Variants in FUT9 observed in about 807,000 individuals in gnomAD.
FUT9 encodes fucosyltransferase 9.
Under a neutral mutation model 29.7 loss-of-function variants are expected in FUT9, and 15 were observed. That is an observed-to-expected ratio of 0.51 (90% CI 0.34 to 0.78). The LOEUF (loss-of-function observed/expected upper bound fraction) is 0.78, where lower values mean the gene tolerates loss of function less well. Among genes scored for constraint, FUT9 ranks in the 30% least tolerant of loss-of-function variants. The probability of loss-of-function intolerance (pLI) is 0.01; values close to 1 mark genes in which losing one functional copy is unlikely to be tolerated. For missense variants in FUT9, 319 were observed against 425.4 expected (o/e 0.75, Z 2.20); for synonymous variants, 169 against 153.7 (o/e 1.10, Z -0.74).
In FUT9 at chr6:96,210,675, A is replaced by G. The variant is rs1392407404; in HGVS notation, c.*6440A>G. 6.0e-6 allele frequency: 1 copy of G among 166,946 alleles called. No individual in the cohort carries two copies. Among genetic ancestry groups the G allele is most frequent in the African/African-American group, 2.4e-5 (1 of 41,450 alleles). The allele number at this position is 166,946 out of a possible 1,614,324, so 10.3% of individuals were successfully genotyped here. ...TTTGCAACAGGAAAGACTGGTCTAG[A>G]CAATTACTAGGATATATGCTTCTGT... On this transcript the variant is annotated 3_prime_UTR_variant, in exon 3 of 3. Transcript: ENST00000302103.
chr6:96,165,748 T>C (rs1408513083), intron 2 of FUT9, among the ~76,000 whole-genome samples: 1 of 152,006 alleles, frequency 6.6e-6, no homozygotes, highest in African/African-American at 2.4e-5. Context: ...CCGAAATAGC[T>C]GGGATTACAG....
intron 2 of FUT9, among the ~76,000 whole-genome samples, chr6:96,191,627 T>C (rs1773510598): frequency 6.6e-6 from 1 of 152,156 alleles, no homozygotes; most frequent in African/African-American, 2.4e-5. Context: ...ACCAGAAGGC[T>C]TCACAGCCGA....
chr6:96,053,510 C>T (rs974928463), intron 1 of FUT9, among the ~76,000 whole-genome samples: 9 of 151,934 alleles, frequency 5.9e-5, no homozygotes, highest in Non-Finnish European at 2.9e-5. Flanking sequence ...AGATGGAGAC[C>T]CTCCTGGCTA....
chr6:96,192,411 GACAA>G (rs1773527838), intron 2 of FUT9, among the ~76,000 whole-genome samples: 1 of 152,036 alleles, frequency 6.6e-6, no homozygotes, highest in African/African-American at 2.4e-5. Context: ...ACCAATAACT[GACAA>G]ACAGAGAGCG....
At chr6:96,018,990 A>G (rs1770025819) in intron 1 of FUT9, among the ~76,000 whole-genome samples, 1 of 151,926 alleles carries the variant, frequency 6.6e-6, no homozygotes, top group South Asian at 2.1e-4. Flanking sequence ...TTATTTTGGT[A>G]TTTGGAATAG....
chr6:96,047,322 C>T (rs1242003167), intron 1 of FUT9, among the ~76,000 whole-genome samples: 2 of 152,170 alleles, frequency 1.3e-5, no homozygotes, highest in Admixed American at 6.6e-5. Flanking sequence ...ATTTAAGCTT[C>T]ATTGGCTTCA....
At chr6:96,090,690 A>G (rs913098883) in intron 1 of FUT9, among the ~76,000 whole-genome samples, 2 of 152,036 alleles carry the variant, frequency 1.3e-5, no homozygotes, top group Non-Finnish European at 2.9e-5. Flanking sequence ...GTCATAACAG[A>G]TCAACTTTAA....
In FUT9 at chr6:96,107,408, A is replaced by T. The variant is rs147043950; in HGVS notation, c.-97-6631A>T. ...ATATACTGTCTCTCTATTTTAGAAC[A>T]AATTTCATTTTCTCCAATCTTTGAA... On this transcript the variant is annotated intron_variant, in intron 1 of 2. Coordinates refer to ENST00000302103, the MANE Select transcript of FUT9 (RefSeq NM_006581.4). Among the ~76,000 whole-genome samples the T allele has an allele frequency of 5.3e-5, 8 of 152,276 alleles. No individual in the cohort carries two copies. The East Asian group carries it at 1.5e-3, about 29-fold the overall frequency.
chr6:96,136,604 T>C (rs900857217), intron 2 of FUT9, among the ~76,000 whole-genome samples: 10 of 152,000 alleles, frequency 6.6e-5, no homozygotes, highest in Admixed American at 2.0e-4. Context: ...TATGTATCCA[T>C]TGAGTGATCA....
intron 1 of FUT9, among the ~76,000 whole-genome samples, chr6:96,048,875 T>C (rs1227456615): frequency 6.6e-6 from 1 of 152,138 alleles, no homozygotes; most frequent in South Asian, 2.1e-4. Flanking sequence ...AGAGCAGGAA[T>C]GCTATAGTCA....
rs1457424830 is a variant in FUT9 at position 96,212,907 on chromosome 6, T to G, written c.*8672T>G. Reference sequence around the variant, plus strand: ...CTAAGGATCAAAGCCCAAGTTCCAGTTTTCACAATCTGCTGTATAATTCAC... The same window carrying G: ...CTAAGGATCAAAGCCCAAGTTCCAGGTTTCACAATCTGCTGTATAATTCAC... On this transcript the variant is annotated 3_prime_UTR_variant, in exon 3 of 3. Coordinates refer to ENST00000302103, the MANE Select transcript of FUT9 (RefSeq NM_006581.4). 2 of 166,708 alleles carry G rather than the reference T, an allele frequency of 1.2e-5. No homozygotes were observed. The highest frequency in any genetic ancestry group is 1.5e-5 in the Non-Finnish European group (1 of 68,030). 10.3% of individuals were successfully genotyped at this position (166,708 alleles called of 1,614,324 possible).
At chr6:96,158,978 T>C (rs530226658) in intron 2 of FUT9, among the ~76,000 whole-genome samples, 1 of 152,332 alleles carries the variant, frequency 6.6e-6, no homozygotes, top group South Asian at 2.1e-4. Flanking sequence ...TAACCACTAA[T>C]CATATTTTCT....
At chr6:96,176,500 G>A (rs538010964) in intron 2 of FUT9, among the ~76,000 whole-genome samples, 1 of 152,192 alleles carries the variant, frequency 6.6e-6, no homozygotes, top group South Asian at 2.1e-4. Context: ...AAATCTGGCT[G>A]TTTTCCAGTA....
intron 2 of FUT9, among the ~76,000 whole-genome samples, chr6:96,200,502 T>A (rs914519209): frequency 3.3e-5 from 5 of 152,110 alleles, no homozygotes; most frequent in Admixed American, 2.6e-4. Flanking sequence ...CTAGAAGGAT[T>A]AAAGGAAATG....
At chr6:96,026,114 CA>C (rs57628261) in intron 1 of FUT9, among the ~76,000 whole-genome samples, 25,067 of 151,514 alleles carry the variant, frequency 0.17, 2,763 homozygotes, top group Admixed American at 0.31. Flanking sequence ...GTTCTTAAAA[CA>C]GTTCAAAACA....
At position 96,160,223 on chromosome 6, in the gene FUT9, T is replaced by C. The variant is rs111513757; in HGVS notation, c.-8-42925T>C. Among the ~76,000 whole-genome samples, 588 of 152,210 alleles carry C rather than the reference T, an allele frequency of 3.9e-3. 2 individuals are homozygous for C. Among genetic ancestry groups the C allele is most frequent in the Non-Finnish European group, 6.4e-3 (435 of 68,004 alleles). ...TGAATAAAAACTGGGAATTCCGAAA[T>C]CTGTGCCAATGATGGTATTGTGGCT... On this transcript the variant is annotated intron_variant, in intron 2 of 2. Coordinates refer to ENST00000302103, the MANE Select transcript of FUT9 (RefSeq NM_006581.4).
chr6:96,193,195 A>G (rs376373787), intron 2 of FUT9, among the ~76,000 whole-genome samples: 1 of 138,598 alleles, frequency 7.2e-6, no homozygotes, highest in African/African-American at 2.6e-5. Context: ...AAGCCAAAAT[A>G]GACAAATGGG....
intron 2 of FUT9, among the ~76,000 whole-genome samples, chr6:96,201,194 C>G (rs1773720699): frequency 6.6e-6 from 1 of 151,830 alleles, no homozygotes; most frequent in Non-Finnish European, 1.5e-5. Context: ...ATTTCTTTAA[C>G]TGTTAACTGC....
chr6:96,022,546 G>A (rs1210603098), intron 1 of FUT9, among the ~76,000 whole-genome samples: 1 of 151,930 alleles, frequency 6.6e-6, no homozygotes, highest in East Asian at 1.9e-4. Flanking sequence ...ATCATGGTCA[G>A]AGCTTTCTGG....
Sources: allele counts gnomAD v4.1 joint callset (sites outside exome capture counted in the v4.1 genomes callset), GRCh38; gene constraint gnomAD v4.1.1; transcripts MANE v1.5; gene names NCBI Gene and HGNC (gene_info 2026-07-23, HGNC 2026-07-21).